Variants in PCCA observed in about 807,000 individuals in gnomAD.
PCCA encodes the protein propionyl-CoA carboxylase subunit alpha.
In PCCA, 74 loss-of-function variants were observed where a neutral mutation model predicts 101.3. The ratio of observed to expected loss-of-function variants is 0.73; its 90% CI spans 0.61 to 0.89. The LOEUF is 0.89. Ranked by LOEUF, PCCA falls within the 40% of genes least tolerant of loss-of-function variation. The pLI is 0.00. For missense variants in PCCA, 891 were observed against 907.0 expected (o/e 0.98, Z 0.23); for synonymous variants, 294 against 313.6 (o/e 0.94, Z 0.66).
chr13:100,377,595 C>T (rs761094549), intron 19 of PCCA, among the ~76,000 whole-genome samples: 24 of 152,136 alleles, frequency 1.6e-4, no homozygotes, highest in Non-Finnish European at 3.1e-4. Context: ...CCCAGGTTCA[C>T]GCCATTCTCC....
intron 7 of PCCA, among the ~76,000 whole-genome samples, chr13:100,224,752 A>C (rs149618655): frequency 5.3e-4 from 81 of 152,314 alleles, no homozygotes; most frequent in African/African-American, 1.8e-3. Context: ...GCTAAGTGAA[A>C]CCTCAAGTCT....
chr13:100,450,736 T>A (rs1432073311), intron 21 of PCCA, among the ~76,000 whole-genome samples: 2 of 152,200 alleles, frequency 1.3e-5, no homozygotes, highest in African/African-American at 4.8e-5. Context: ...TATATATAAT[T>A]TATGTATATA....
At chr13:100,305,225 A>G (rs1468450945) in intron 14 of PCCA, among the ~76,000 whole-genome samples, 1 of 152,130 alleles carries the variant, frequency 6.6e-6, no homozygotes, top group Non-Finnish European at 1.5e-5. Context: ...ATATATCTTG[A>G]TTTTATCGTA....
intron 6 of PCCA, among the ~76,000 whole-genome samples, chr13:100,158,766 A>G (rs902125715): frequency 6.6e-6 from 1 of 152,118 alleles, no homozygotes; most frequent in Non-Finnish European, 1.5e-5. Context: ...ATAAAATTTT[A>G]TTGAAACACA....
Position 100,527,711 on chromosome 13 carries a change from A to C in PCCA, c.2077A>C (p.Met693Leu). ...TCAAGAAATTTGTGTGATTGAAGCC[A>C]TGAAAATGCAGAATAGTATGACAGC... ...EGQEICVIEA[M>L]KMQNSMTAGK... Residue 693 changes from methionine (M) to leucine (L), a missense_variant, in exon 23 of 24, where the codon ATG becomes CTG. Transcript: ENST00000376285. The C allele has an allele frequency of 3.1e-6, 5 of 1,614,084 alleles. No homozygotes were observed. Among genetic ancestry groups the C allele is most frequent in the Non-Finnish European group, 4.2e-6 (5 of 1,179,948 alleles).
intron 8 of PCCA, among the ~76,000 whole-genome samples, chr13:100,255,501 T>A (rs143676897): frequency 6.6e-6 from 1 of 152,196 alleles, no homozygotes; most frequent in Admixed American, 6.5e-5. Flanking sequence ...AGTGGAGATG[T>A]GGGCTGTCTC....
At chr13:100,519,075 C>T (rs1050098922) in intron 22 of PCCA, among the ~76,000 whole-genome samples, 1 of 152,188 alleles carries the variant, frequency 6.6e-6, no homozygotes, top group African/African-American at 2.4e-5. Context: ...AACAAAACCA[C>T]CCCATAAGAT....
At chr13:100,342,093 G>A (rs1220677992) in intron 18 of PCCA, among the ~76,000 whole-genome samples, 1 of 151,390 alleles carries the variant, frequency 6.6e-6, no homozygotes, top group Non-Finnish European at 1.5e-5. Flanking sequence ...ACTTGTGCAA[G>A]ATAAACAGCA....
chr13:100,530,049 G>A (rs771288541), intron 23 of PCCA, 49 bp from the exon 24 acceptor site: 12 of 1,426,644 alleles, frequency 8.4e-6, no homozygotes, highest in African/African-American at 2.8e-5. Context: ...TCTTGGTTCT[G>A]GTTACTAATT....
intron 18 of PCCA, among the ~76,000 whole-genome samples, chr13:100,361,088 A>G (rs930706435): frequency 1.3e-5 from 2 of 152,188 alleles, no homozygotes; most frequent in Non-Finnish European, 2.9e-5. Context: ...ACATTCTGAA[A>G]AAGGCAAACC....
chr13:100,276,829 CTTAT>C (rs1382429192), intron 12 of PCCA, among the ~76,000 whole-genome samples: 2 of 151,978 alleles, frequency 1.3e-5, no homozygotes, highest in African/African-American at 4.8e-5. Context: ...ACATAATTAA[CTTAT>C]TTGTTTTGTA....
At chr13:100,337,514 G>GT (rs1387240862) in intron 17 of PCCA, among the ~76,000 whole-genome samples, 1 of 152,188 alleles carries the variant, frequency 6.6e-6, no homozygotes, top group African/African-American at 2.4e-5. Context: ...TAAAATCGTT[G>GT]TAAGAATAGG....
At chr13:100,221,355 A>G (rs1464639268) in intron 7 of PCCA, among the ~76,000 whole-genome samples, 1 of 152,218 alleles carries the variant, frequency 6.6e-6, no homozygotes, top group Admixed American at 6.5e-5. Flanking sequence ...TCAGAGAAGC[A>G]TGCAGATGCC....
chr13:100,299,142 A>C lies in PCCA; in HGVS notation c.1066-2318A>C, dbSNP rs578062483. On this transcript the variant is annotated intron_variant, in intron 12 of 23. Transcript: ENST00000376285. The stretch of plus-strand genomic sequence containing the variant: ...TTTACCTTTAGCAGCTTGTTATTTT[A>C]GTTATCTGCTTAGTTGCTTCTAATT... 4.6e-5 allele frequency among the ~76,000 whole-genome samples: 7 copies of C among 152,276 alleles called. No homozygotes were observed. The South Asian group carries it at 1.2e-3, about 27-fold the overall frequency.
intron 6 of PCCA, among the ~76,000 whole-genome samples, chr13:100,175,069 G>A (rs1187286613): frequency 6.6e-6 from 1 of 152,030 alleles, no homozygotes; most frequent in Non-Finnish European, 1.5e-5. Context: ...CTGTGCCCTA[G>A]TAAATGAGTC....
intron 6 of PCCA, among the ~76,000 whole-genome samples, chr13:100,189,146 T>C (rs539817997): frequency 6.6e-6 from 1 of 152,294 alleles, no homozygotes; most frequent in East Asian, 1.9e-4. Flanking sequence ...TGTTTGGTTT[T>C]CTGATCTTGT....
intron 12 of PCCA, among the ~76,000 whole-genome samples, chr13:100,293,714 C>A (rs1382377735): frequency 1.3e-5 from 2 of 151,972 alleles, no homozygotes; most frequent in Non-Finnish European, 2.9e-5. Flanking sequence ...TTAGAGTGAG[C>A]CAGAATTGGG....
chr13:100,193,931 C>CCCA (rs2057914230), intron 6 of PCCA, among the ~76,000 whole-genome samples: 1 of 151,946 alleles, frequency 6.6e-6, no homozygotes, highest in Non-Finnish European at 1.5e-5. Context: ...ATTATCCTGG[C>CCCA]GTGGTAGCGG....
rs561287929 is a variant in PCCA at position 100,377,042 on chromosome 13, G to A, written c.1746+8468G>A. Among the ~76,000 whole-genome samples, 119 of 152,270 alleles carry A rather than the reference G, an allele frequency of 7.8e-4. 1 individual carries two copies. Among genetic ancestry groups the A allele is most frequent in the African/African-American group, 2.6e-3 (110 of 41,552 alleles). ...CCTCCCTCATGGCACAGTCCTTCAC[G>A]GCTTCCCTTGGCTAGGGGAGGGAGT... On this transcript the variant is annotated intron_variant, in intron 19 of 23. Coordinates refer to ENST00000376285, the MANE Select transcript of PCCA (RefSeq NM_000282.4).
Sources: gnomAD v4.1 joint callset for allele counts (sites outside exome capture counted in the v4.1 genomes callset) on GRCh38, gnomAD v4.1.1 for gene constraint, MANE v1.5 for transcripts, NCBI Gene and HGNC (gene_info 2026-07-23, HGNC 2026-07-21) for gene names.